The following CTNNAL1 variants were observed in gnomAD, a reference collection of about 807,000 sequenced individuals.
The protein encoded by CTNNAL1 is alpha-catulin.
In CTNNAL1, 69 loss-of-function variants were observed where a neutral mutation model predicts 93.6. The observed-to-expected ratio is 0.74, with a 90% confidence interval of 0.61 to 0.90. The LOEUF (loss-of-function observed/expected upper bound fraction) is 0.90, where lower values mean the gene tolerates loss of function less well. CTNNAL1 is among the 40% of genes least tolerant of loss of function. CTNNAL1 has a pLI of 0.00. For missense variants in CTNNAL1, 836 were observed against 862.0 expected, an observed-to-expected ratio of 0.97 and a Z score of 0.38; for synonymous variants, 286 against 305.4, an observed-to-expected ratio of 0.94 and a Z score of 0.66.
Position 108,992,639 on chromosome 9 carries a change from C to T in CTNNAL1, c.512G>A (p.Arg171Lys). ...RVVIKQIITS[R>K]NKVLATMERL... ...CATCAGAAAGGTAAGTACCTTATTT[C>T]TTGATGTTATTATCTGTTTAATGAC... The change falls in exon 3 of 19, where the codon AGA (arginine) becomes AAA (lysine). Residue 171 changes from arginine (R) to lysine (K), a missense_variant. By Grantham distance (26) the Arg-to-Lys change is conservative. Coordinates refer to ENST00000325551, the MANE Select transcript of CTNNAL1 (RefSeq NM_003798.4). The T allele has an allele frequency of 6.2e-7, 1 of 1,607,960 alleles. No homozygotes were observed. The highest frequency in any genetic ancestry group is 8.5e-7 in the Non-Finnish European group (1 of 1,177,730).
chr9:108,995,683 C>T (rs1341791802), intron 2 of CTNNAL1, among the ~76,000 whole-genome samples: 1 of 151,950 alleles, frequency 6.6e-6, no homozygotes, highest in Admixed American at 6.6e-5. Flanking sequence ...ATAAACCTTG[C>T]CTGGTAGCCA....
chr9:109,009,329 G>A (rs1827139894), intron 1 of CTNNAL1, among the ~76,000 whole-genome samples: 1 of 150,834 alleles, frequency 6.6e-6, no homozygotes, highest in African/African-American at 2.4e-5. Flanking sequence ...TAAAAGTGTT[G>A]TGAGCTTTTA....
chr9:109,013,222 C>T, intron 1 of CTNNAL1, 80 bp downstream of exon 1: 1 of 1,382,634 alleles, frequency 7.2e-7, no homozygotes, highest in Non-Finnish European at 9.4e-7. Context: ...GGCTGCCTCC[C>T]GTCCGGTCGT....
intron 12 of CTNNAL1, among the ~76,000 whole-genome samples, chr9:108,954,228 TA>T (rs912848794): frequency 1.3e-5 from 2 of 152,156 alleles, no homozygotes; most frequent in Admixed American, 6.5e-5. Context: ...TATATAAAGC[TA>T]AAAGACGTCA....
intron 8 of CTNNAL1, among the ~76,000 whole-genome samples, chr9:108,975,973 C>T (rs1362394225): frequency 6.6e-6 from 1 of 152,152 alleles, no homozygotes; most frequent in East Asian, 1.9e-4. Context: ...GAAACCCTCT[C>T]AACCAAAGGA....
Position 108,944,147 on chromosome 9 carries a change from C to G in CTNNAL1, c.1885-129G>C, listed in dbSNP as rs1436117648. 9 of 884,236 alleles carry G rather than the reference C, an allele frequency of 1.0e-5. No individual in the cohort carries two copies. In the South Asian group the frequency reaches 1.3e-4, roughly 12 times the overall value. The allele number at this position is 884,236 out of a possible 1,614,324, so 54.8% of individuals were successfully genotyped here. A position where few individuals can be genotyped will look rare whatever the true frequency, so the allele number is the denominator to read the frequency against. ...CTAGATATAAAAAGTCTGTCAGGAA[C>G]TCCTAAACTTTTTCCAGTACCAGGA... On this transcript the variant is annotated intron_variant, in intron 15 of 18. Transcript: ENST00000325551.
chr9:108,946,695 C>A (rs1044618961), intron 15 of CTNNAL1, among the ~76,000 whole-genome samples: 1 of 152,192 alleles, frequency 6.6e-6, no homozygotes, highest in Non-Finnish European at 1.5e-5. Context: ...GCTTTGTTCA[C>A]TTTTCTCCAC....
intron 10 of CTNNAL1, among the ~76,000 whole-genome samples, chr9:108,968,135 C>T (rs1048966799): frequency 6.6e-6 from 1 of 152,312 alleles, no homozygotes. Context: ...TGGCATTGCT[C>T]TCCTCTCAAC....
intron 4 of CTNNAL1, among the ~76,000 whole-genome samples, chr9:108,986,167 T>C (rs1175087828): frequency 1.4e-5 from 2 of 145,758 alleles, no homozygotes; most frequent in East Asian, 4.1e-4. Context: ...CCTAATGCTA[T>C]CCCTCCCCCC....
At chr9:108,953,446 A>AT (rs372841724) in intron 12 of CTNNAL1, among the ~76,000 whole-genome samples, 77 of 152,322 alleles carry the variant, frequency 5.1e-4, no homozygotes, top group African/African-American at 1.8e-3. Flanking sequence ...GGAAACATAT[A>AT]TTTAAGTCAT....
chr9:108,965,592 G>A (rs534792153), intron 10 of CTNNAL1, 64 bp from the exon 11 acceptor site: 12 of 929,422 alleles, frequency 1.3e-5, no homozygotes, highest in African/African-American at 3.4e-5. Context: ...TCACTTTGAA[G>A]ACCAAAGGTA....
At chr9:108,998,067 A>G (rs1227836362) in intron 2 of CTNNAL1, among the ~76,000 whole-genome samples, 1 of 152,176 alleles carries the variant, frequency 6.6e-6, no homozygotes, top group Admixed American at 6.5e-5. Context: ...CCTTCATTCC[A>G]TTGCAGTCTC....
intron 14 of CTNNAL1, among the ~76,000 whole-genome samples, chr9:108,949,768 C>T (rs771469919): frequency 6.6e-6 from 1 of 152,088 alleles, no homozygotes; most frequent in Non-Finnish European, 1.5e-5. Context: ...CACCTGAACC[C>T]GGGAGATGGA....
chr9:108,943,678 A>C, intron 17 of CTNNAL1, 25 bp downstream of exon 17: 1 of 1,590,734 alleles, frequency 6.3e-7, no homozygotes, highest in Non-Finnish European at 8.6e-7. Flanking sequence ...TAGATGTGTG[A>C]AAGTTTTTCA....
At chr9:109,008,961 CA>C (rs1000581879) in intron 1 of CTNNAL1, among the ~76,000 whole-genome samples, 1 of 128,356 alleles carries the variant, frequency 7.8e-6, no homozygotes, top group African/African-American at 2.9e-5. Context: ...GTGTTGTGAT[CA>C]CAGCTCACAG....
intron 1 of CTNNAL1, among the ~76,000 whole-genome samples, chr9:109,003,315 C>T (rs138832952): frequency 6.4e-4 from 98 of 152,214 alleles, no homozygotes; most frequent in African/African-American, 2.2e-3. Flanking sequence ...TCACAGGAGA[C>T]CAACAAAATT....
intron 6 of CTNNAL1, among the ~76,000 whole-genome samples, chr9:108,981,171 A>C (rs1831416848): frequency 6.6e-6 from 1 of 152,262 alleles, no homozygotes; most frequent in Admixed American, 6.5e-5. Flanking sequence ...AGGTGGTGAA[A>C]GATGTCTCTC....
intron 12 of CTNNAL1, among the ~76,000 whole-genome samples, chr9:108,954,630 G>A (rs1830645168): frequency 6.6e-6 from 1 of 152,122 alleles, no homozygotes; most frequent in Non-Finnish European, 1.5e-5. Flanking sequence ...TCTGACAATA[G>A]CTTAAGGCAC....
chr9:108,965,501 AT>A lies in CTNNAL1; in HGVS notation c.1467del (p.Leu490CysfsTer12). ...QQIISAAETLTLHPSSKIAKE... is the reference protein window; with the variant it reads ...QQIISAAETLXLHPSSKIAKE... ...TTAGCAATTTTACTAGATGGATGCAATGTCAATGTTTCAGCAGCAGAAATTA... is the reference window on the plus strand; with the variant it reads ...TTAGCAATTTTACTAGATGGATGCAAGTCAATGTTTCAGCAGCAGAAATTA... On this transcript the variant is annotated frameshift_variant, in exon 11 of 19. Transcript: ENST00000325551. LOFTEE classifies it high-confidence loss of function. 1 of 1,579,568 alleles carries A rather than the reference AT, an allele frequency of 6.3e-7. No individual in the cohort carries two copies. Among genetic ancestry groups the A allele is most frequent in the African/African-American group, 1.4e-5 (1 of 73,386 alleles).
Sources: allele counts gnomAD v4.1 joint callset (sites outside exome capture counted in the v4.1 genomes callset), GRCh38; gene constraint gnomAD v4.1.1; transcripts MANE v1.5; gene names NCBI Gene and HGNC (gene_info 2026-07-23, HGNC 2026-07-21).